The following RHPN1 variants were observed in gnomAD, a reference collection of about 807,000 sequenced individuals.
RHPN1 encodes the protein rhophilin-1.
Under a neutral mutation model 74.7 loss-of-function variants are expected in RHPN1, and 77 were observed. The observed-to-expected ratio is 1.03, with a 90% CI of 0.86 to 1.25. The LOEUF is 1.25. Ranked by LOEUF, RHPN1 falls within the 50% of genes most tolerant of loss-of-function variation. RHPN1 has a pLI of 0.00. For synonymous variants in RHPN1, 444 were observed against 414.5 expected (o/e 1.07, Z -0.87); for missense variants, 987 against 932.2 (o/e 1.06, Z -0.77).
chr8:143,378,376 C>T, intron 5 of RHPN1, 30 bp downstream of exon 5: 2 of 1,428,612 alleles, frequency 1.4e-6, no homozygotes, highest in Non-Finnish European at 1.9e-6. Flanking sequence ...ACCCACCCTC[C>T]TGCAGCCCTG....
intron 1 of RHPN1, among the ~76,000 whole-genome samples, chr8:143,375,146 G>A (rs1172021333): frequency 2.6e-5 from 4 of 152,206 alleles, no homozygotes; most frequent in Admixed American, 2.0e-4. Flanking sequence ...AGGGGCAAGG[G>A]GGGGATCCAG....
Position 143,368,956 on chromosome 8 carries a change from C to G in RHPN1, c.-32C>G. The G allele has an allele frequency of 6.9e-7, 1 of 1,456,420 alleles. No homozygotes were observed. Among genetic ancestry groups the G allele is most frequent in the Non-Finnish European group, 9.0e-7 (1 of 1,110,720 alleles). The allele number at this position is 1,456,420 out of a possible 1,614,324, so 90.2% of individuals were successfully genotyped here. On this transcript the variant is annotated 5_prime_UTR_variant, in exon 1 of 15. Transcript: ENST00000289013. ...CTGCGCGAGCGGCGGGCTGGCTGACCCCGAGGGACCCCCAGCGCAGCGGGT... is the reference window on the plus strand; with the variant it reads ...CTGCGCGAGCGGCGGGCTGGCTGACGCCGAGGGACCCCCAGCGCAGCGGGT...
At chr8:143,370,196 G>GCCCA (rs1817732815) in intron 1 of RHPN1, among the ~76,000 whole-genome samples, 2 of 152,150 alleles carry the variant, frequency 1.3e-5, no homozygotes, top group Non-Finnish European at 2.9e-5. Context: ...TTCAGGCTGG[G>GCCCA]GGCTGTGCCT....
Position 143,376,704 on chromosome 8 carries a change from CGT to C in RHPN1, c.305+61_305+62del, listed in dbSNP as rs761483146. On this transcript the variant is annotated intron_variant, in intron 3 of 14. Transcript: ENST00000289013. ...GTGCGTGTATGTGTGTGCACGTGTG[CGT>C]GTGTGTGTGCATGTGTGTGCACGCA... is the stretch of plus-strand genomic sequence containing the variant. The C allele has an allele frequency of 1.3e-4, 191 of 1,520,244 alleles. 1 individual carries two copies. Among genetic ancestry groups the C allele is most frequent in the Non-Finnish European group, 1.5e-4 (168 of 1,125,890 alleles). The allele number at this position is 1,520,244 out of a possible 1,614,324, so 94.2% of individuals were successfully genotyped here.
At position 143,382,501 on chromosome 8, in the gene RHPN1, C is replaced by T. The variant is rs528526214; in HGVS notation, c.1863C>T (p.Cys621=). 8 of 1,606,840 alleles carry T rather than the reference C, an allele frequency of 5.0e-6. No homozygotes were observed. The East Asian group carries it at 1.6e-4, about 32-fold the overall frequency. The change falls in exon 15 of 15, where the codon TGC becomes TGT. Residue 621 remains cysteine (C), a synonymous_variant. Coordinates refer to ENST00000289013, the MANE Select transcript of RHPN1 (RefSeq NM_052924.3). ...GLLRSQREHG[C]KTPASTWASP... The stretch of plus-strand genomic sequence containing the variant: ...TAAGGAGCCAGAGGGAGCATGGTTG[C>T]AAGACCCCGGCATCCACGTGGGCCA...
At chr8:143,380,520 A>G in intron 10 of RHPN1, 69 bp from the exon 11 acceptor site, 2 of 1,369,440 alleles carry the variant, frequency 1.5e-6, no homozygotes, top group Non-Finnish European at 1.9e-6. Flanking sequence ...GGCGTTGCCC[A>G]CTCCTTCTGC....
At position 143,369,004 on chromosome 8, in the gene RHPN1, G is replaced by A. The variant is rs771346133; in HGVS notation, c.17G>A (p.Arg6Lys). 59 of 1,496,184 alleles carry A rather than the reference G, an allele frequency of 3.9e-5. No individual in the cohort carries two copies. Among genetic ancestry groups the A allele is most frequent in the Non-Finnish European group, 5.0e-5 (57 of 1,130,574 alleles). The allele number at this position is 1,496,184 out of a possible 1,614,324, so 92.7% of individuals were successfully genotyped here. A position where few individuals can be genotyped will look rare whatever the true frequency, so the allele number is the denominator to read the frequency against. The stretch of plus-strand genomic sequence containing the variant: ...GGTGCGGCGATGATCCTGGAGGAGA[G>A]GCCGGACGGCGCGGGCGCCGGCGAG... The part of the protein sequence containing the change: MILEE[R>K]PDGAGAGEES... The change falls in exon 1 of 15, where the codon AGG becomes AAG. Residue 6 changes from arginine to lysine, a missense_variant. Arg to Lys is a conservative substitution (Grantham distance 26). Transcript: ENST00000289013.
chr8:143,382,335 G>C (rs939169283), intron 14 of RHPN1, 101 bp from the exon 15 acceptor site: 4 of 1,051,090 alleles, frequency 3.8e-6, no homozygotes, highest in Admixed American at 2.2e-5. Flanking sequence ...AGCCCCCGAC[G>C]TGCCAGCCCC....
chr8:143,379,051 G>A lies in RHPN1; in HGVS notation c.724G>A (p.Ala242Thr), dbSNP rs1196840581. ...CTCCTGCACCGAGGGTGCCCGCCGC[G>A]CTATGGAGGCCTTCCAGAGGGCCGC... is the stretch of plus-strand genomic sequence containing the variant. ...DRSCTEGARR[A>T]MEAFQRAAGA... Residue 242 changes from alanine to threonine, a missense_variant, in exon 7 of 15, where the codon GCT (alanine) becomes ACT (threonine). Ala to Thr is a moderately conservative substitution (Grantham distance 58). Coordinates refer to ENST00000289013, the MANE Select transcript of RHPN1 (RefSeq NM_052924.3). The A allele has an allele frequency of 5.2e-6, 8 of 1,535,572 alleles. No individual in the cohort carries two copies. Among genetic ancestry groups the A allele is most frequent in the East Asian group, 2.5e-5 (1 of 40,688 alleles).
rs765837931 is a variant in RHPN1 at position 143,381,775 on chromosome 8, G to T, written c.1636-32G>T. The T allele has an allele frequency of 1.0e-5, 16 of 1,607,026 alleles. No homozygotes were observed. The South Asian group carries it at 1.7e-4, about 17-fold the overall frequency. On this transcript the variant is annotated intron_variant, in intron 13 of 14. Transcript: ENST00000289013. ...TCCTTGGTGCCAGCCAGGGTGTCCTGTCCCCACCTCACCGTCCAAGTCTCC... is the reference window on the plus strand; with the variant it reads ...TCCTTGGTGCCAGCCAGGGTGTCCTTTCCCCACCTCACCGTCCAAGTCTCC...
chr8:143,369,646 G>C (rs1259960622), intron 1 of RHPN1, among the ~76,000 whole-genome samples: 2 of 152,236 alleles, frequency 1.3e-5, no homozygotes, highest in African/African-American at 2.4e-5. Flanking sequence ...TGGGAAGGAG[G>C]GGACGTCTGT....
At chr8:143,379,779 A>T in intron 8 of RHPN1, 50 bp from the exon 9 acceptor site, 1 of 1,557,020 alleles carries the variant, frequency 6.4e-7, no homozygotes, top group Non-Finnish European at 8.7e-7. Flanking sequence ...AGAAGCAGGC[A>T]CCACCTGGAG....
In RHPN1 at chr8:143,379,339, A is replaced by G; in HGVS notation, c.776A>G (p.Asn259Ser). Residue 259 changes from asparagine to serine, a missense_variant, in exon 8 of 15, where the codon AAC becomes AGC. Coordinates refer to ENST00000289013, the MANE Select transcript of RHPN1 (RefSeq NM_052924.3). ...GGGGCCTTCAGCCTCCTGAGGGAGA[A>G]CTTCTCCCATGCGCCGAGCCCAGAC... is the stretch of plus-strand genomic sequence containing the variant. The part of the protein sequence containing the change: ...AAGAFSLLRE[N>S]FSHAPSPDMS... 3 of 1,598,496 alleles carry G rather than the reference A, an allele frequency of 1.9e-6. No homozygotes were observed. The highest frequency in any genetic ancestry group is 1.3e-5 in the African/African-American group (1 of 74,688).
At position 143,372,833 on chromosome 8, in the gene RHPN1, G is replaced by A. The variant is rs1311032417; in HGVS notation, c.61-2720G>A. ...CAGCAGATGGCGCAGGGGTTTGGGGGATGGCACAGGTGTCTGGGGGACAAT... is the reference window on the plus strand; with the variant it reads ...CAGCAGATGGCGCAGGGGTTTGGGGAATGGCACAGGTGTCTGGGGGACAAT... On this transcript the variant is annotated intron_variant, in intron 1 of 14. Transcript: ENST00000289013. 3.9e-5 allele frequency among the ~76,000 whole-genome samples: 5 copies of A among 128,164 alleles called. No homozygotes were observed. The Admixed American group carries it at 3.9e-4, about 10-fold the overall frequency. The allele number at this position is 128,164 out of a possible 152,430, so 84.1% of individuals were successfully genotyped here.
intron 10 of RHPN1, 102 bp downstream of exon 10, chr8:143,380,277 T>G: frequency 1.2e-6 from 1 of 852,122 alleles, no homozygotes; most frequent in East Asian, 2.7e-5. Context: ...GCTGTCCCCG[T>G]GCTGACGAGT....
At chr8:143,381,994 CG>C in intron 14 of RHPN1, 26 bp downstream of exon 14, 1 of 1,545,376 alleles carries the variant, frequency 6.5e-7, no homozygotes. Flanking sequence ...CCCAGAGGGG[CG>C]GTCCCCAGCT....
chr8:143,371,178 C>T (rs1226697388), intron 1 of RHPN1, among the ~76,000 whole-genome samples: 7 of 152,148 alleles, frequency 4.6e-5, no homozygotes, highest in Admixed American at 1.3e-4. Flanking sequence ...CTCTGGCGTG[C>T]GTGCTGCTTA....
intron 4 of RHPN1, among the ~76,000 whole-genome samples, 195 bp downstream of exon 4, chr8:143,377,650 C>T (rs1327609693): frequency 2.0e-5 from 3 of 152,174 alleles, no homozygotes; most frequent in African/African-American, 4.8e-5. Context: ...TTCAGGGCCC[C>T]GCTGGTGCCT....
rs765901357 is a variant in RHPN1, at chr8:143,375,571, C to A, written c.79C>A (p.Gln27Lys). The A allele has an allele frequency of 5.0e-6, 8 of 1,600,884 alleles. No individual in the cohort carries two copies. The highest frequency in any genetic ancestry group is 1.8e-5 in the Admixed American group (1 of 56,564). ...PRLQGCDSLTQIQCGQLQSRR... is the reference protein window; with the variant it reads ...PRLQGCDSLTKIQCGQLQSRR... Reference sequence around the variant, plus strand: ...CCTGCAGGGCTGTGACTCCCTGACGCAGATCCAGTGCGGCCAGCTGCAGAG... The same window carrying A: ...CCTGCAGGGCTGTGACTCCCTGACGAAGATCCAGTGCGGCCAGCTGCAGAG... The change falls in exon 2 of 15, where the codon CAG becomes AAG. Residue 27 changes from glutamine to lysine, a missense_variant. By Grantham distance (53) the Gln-to-Lys change is moderately conservative (BLOSUM62 1). Coordinates refer to ENST00000289013, the MANE Select transcript of RHPN1 (RefSeq NM_052924.3).
Sources: allele counts gnomAD v4.1 joint callset (sites outside exome capture counted in the v4.1 genomes callset), GRCh38; gene constraint gnomAD v4.1.1; transcripts MANE v1.5; gene names NCBI Gene and HGNC (gene_info 2026-07-23, HGNC 2026-07-21).